The following KLRG1 variants were observed in gnomAD, a reference collection of about 807,000 sequenced individuals.
KLRG1 encodes killer cell lectin like receptor G1, also known as killer cell lectin-like receptor subfamily G member 1.
A neutral mutation model predicts 21.8 loss-of-function variants in KLRG1; 16 were observed. That is an observed-to-expected ratio of 0.73 (90% CI 0.50 to 1.11). The LOEUF is 1.11. Ranked by LOEUF, KLRG1 falls within the 50% of genes most tolerant of loss-of-function variation. KLRG1 has a pLI of 0.00. For synonymous variants in KLRG1, 69 were observed against 75.9 expected (o/e 0.91, Z 0.47); for missense variants, 173 against 218.3 (o/e 0.79, Z 1.31).
chr12:9,018,090 T>C, the KLRG1 span, among the ~76,000 whole-genome samples: 1 of 152,044 alleles, frequency 6.6e-6, no homozygotes, highest in Non-Finnish European at 1.5e-5. Context: ...TGTAAGACAT[T>C]GATGCAAGAA....
chr12:9,006,069 A>G (rs757838775), intron 3 of KLRG1, among the ~76,000 whole-genome samples: 2 of 152,364 alleles, frequency 1.3e-5, no homozygotes, highest in South Asian at 2.1e-4. Flanking sequence ...TATATTTTCA[A>G]ATAGCTAGAA....
At chr12:9,125,039 T>A in the KLRG1 span, among the ~76,000 whole-genome samples, 1 of 152,202 alleles carries the variant, frequency 6.6e-6, no homozygotes, top group Admixed American at 6.5e-5. Flanking sequence ...AGCTGCCCTC[T>A]CTGCTAATAG....
intron 1 of KLRG1, among the ~76,000 whole-genome samples, chr12:8,983,422 CAG>C (rs1946790301): frequency 1.0e-5 from 1 of 97,910 alleles, no homozygotes; most frequent in Non-Finnish European, 1.9e-5. Context: ...TTTTTTGAGA[CAG>C]AGTTTCGCTC....
the KLRG1 span, chr12:9,072,484 T>C: frequency 1.9e-6 from 3 of 1,611,358 alleles, no homozygotes; most frequent in Non-Finnish European, 2.5e-6. Flanking sequence ...ATTTCAAGGA[T>C]GTCTATAGAA....
At chr12:9,188,054 T>C in the KLRG1 span, among the ~76,000 whole-genome samples, 1 of 152,202 alleles carries the variant, frequency 6.6e-6, no homozygotes, top group Non-Finnish European at 1.5e-5. Context: ...TTGATGAACA[T>C]TGATGCAAAA....
rs528267292 is a variant in KLRG1, at chr12:8,978,237, A to C, written c.-155-13969A>C. On this transcript the variant is annotated intron_variant, in intron 1 of 4. Coordinates refer to the KLRG1 transcript ENST00000539240. Reference sequence around the variant, plus strand: ...TTGCTGTTTAGCATGTTTCAACTTGAAGGACTTCCTTGAGCATCTCTTGTA... The same window carrying C: ...TTGCTGTTTAGCATGTTTCAACTTGCAGGACTTCCTTGAGCATCTCTTGTA... Among the ~76,000 whole-genome samples the C allele has an allele frequency of 2.0e-3, 311 of 152,308 alleles. 12 individuals carry two copies. In the South Asian group the frequency reaches 0.061, roughly 30 times the overall value.
At chr12:9,168,322 G>A in the KLRG1 span, 1 of 152,242 alleles carries the variant, frequency 6.6e-6, no homozygotes, top group African/African-American at 2.4e-5. Flanking sequence ...GAGAAAAAGG[G>A]AGTTGGATTC....
chr12:9,116,920 G>C, the KLRG1 span, among the ~76,000 whole-genome samples: 2 of 152,010 alleles, frequency 1.3e-5, no homozygotes, highest in African/African-American at 4.8e-5. Flanking sequence ...TAAAACTACT[G>C]TATAAAATAC....
At chr12:9,045,572 C>G in the KLRG1 span, among the ~76,000 whole-genome samples, 1 of 151,882 alleles carries the variant, frequency 6.6e-6, no homozygotes, top group Non-Finnish European at 1.5e-5. Flanking sequence ...AATTAACAGG[C>G]TGGAAATTTA....
chr12:8,970,102 G>T (rs1384668747), intron 1 of KLRG1, among the ~76,000 whole-genome samples: 1 of 152,146 alleles, frequency 6.6e-6, no homozygotes. Flanking sequence ...GGCTACAGAG[G>T]GAGACCTTGT....
rs1184443242 is a variant in KLRG1, at chr12:8,995,107, C to T, written c.188-12C>T. On this transcript the variant is annotated splice_polypyrimidine_tract_variant and intron_variant, in intron 2 of 4. Coordinates refer to ENST00000356986, the MANE Select transcript of KLRG1 (RefSeq NM_005810.4). The stretch of plus-strand genomic sequence containing the variant: ...TCCATAAAGATGTGAACCAGGTCCT[C>T]TTCTCTCCTAGGCTCCAACTACTCC... 2 of 1,576,276 alleles carry T rather than the reference C, an allele frequency of 1.3e-6. No homozygotes were observed. The highest frequency in any genetic ancestry group is 1.7e-6 in the Non-Finnish European group (2 of 1,165,388).
the KLRG1 span, among the ~76,000 whole-genome samples, chr12:9,158,232 C>T: frequency 1.3e-5 from 2 of 152,176 alleles, no homozygotes; most frequent in Non-Finnish European, 2.9e-5. Context: ...TGTGATTCTA[C>T]GTGTGATCCA....
chr12:9,129,980 TCTC>T, the KLRG1 span, among the ~76,000 whole-genome samples: 41 of 152,310 alleles, frequency 2.7e-4, no homozygotes, highest in African/African-American at 7.9e-4. Flanking sequence ...ACTTCCCCTT[TCTC>T]CTCTTCTCTG....
At chr12:9,158,652 C>T in the KLRG1 span, 3 of 1,447,406 alleles carry the variant, frequency 2.1e-6, no homozygotes, top group Non-Finnish European at 2.8e-6. Flanking sequence ...CACACAGGCT[C>T]CCCCATCACA....
chr12:9,055,759 C>G, the KLRG1 span: 1 of 152,528 alleles, frequency 6.6e-6, no homozygotes, highest in Non-Finnish European at 1.5e-5. Context: ...AAGAGGAAAG[C>G]GAACAGGATG....
chr12:9,195,650 T>TA, the KLRG1 span, among the ~76,000 whole-genome samples: 44 of 146,264 alleles, frequency 3.0e-4, no homozygotes, highest in African/African-American at 1.0e-3. Context: ...GGTAGAGTCT[T>TA]ACTATGTTAC....
chr12:9,195,723 G>A, the KLRG1 span, among the ~76,000 whole-genome samples: 1 of 149,720 alleles, frequency 6.7e-6, no homozygotes, highest in Non-Finnish European at 1.5e-5. Context: ...CAAAGTTCTG[G>A]GATTATAAGC....
At chr12:9,165,200 A>C in the KLRG1 span, 1 of 1,614,184 alleles carries the variant, frequency 6.2e-7, no homozygotes, top group Non-Finnish European at 8.5e-7. Flanking sequence ...CTCTCCACGA[A>C]TCACAGAGTA....
chr12:9,188,830 A>C, the KLRG1 span, among the ~76,000 whole-genome samples: 1 of 152,230 alleles, frequency 6.6e-6, no homozygotes, highest in Non-Finnish European at 1.5e-5. Context: ...GGGAGGTGAA[A>C]GATCTATACA....
Sources: allele counts gnomAD v4.1 joint callset (sites outside exome capture counted in the v4.1 genomes callset), GRCh38; gene constraint gnomAD v4.1.1; transcripts MANE v1.5; gene names NCBI Gene and HGNC (gene_info 2026-07-23, HGNC 2026-07-21).